Variants in ZFPM2 observed in about 807,000 individuals in gnomAD.
ZFPM2 encodes the protein zinc finger protein, FOG family member 2, also known as zinc finger protein ZFPM2.
In ZFPM2, 20 loss-of-function variants were observed where a neutral mutation model predicts 98.6. The observed-to-expected ratio is 0.20, with a 90% CI of 0.14 to 0.29. The LOEUF is 0.29. ZFPM2 is among the 10% of genes least tolerant of loss of function. The probability of loss-of-function intolerance (pLI) is 1.00; values close to 1 mark genes in which losing one functional copy is unlikely to be tolerated. For synonymous variants in ZFPM2, 518 were observed against 502.7 expected (o/e 1.03, Z -0.41); for missense variants, 1,310 against 1,388.6 (o/e 0.94, Z 0.90).
intron 5 of ZFPM2, among the ~76,000 whole-genome samples, chr8:105,645,205 TACA>T (rs879836474): frequency 6.6e-6 from 1 of 152,224 alleles, no homozygotes; most frequent in Non-Finnish European, 1.5e-5. Flanking sequence ...ATAATAGTCT[TACA>T]ATATTCTTCT....
intron 3 of ZFPM2, among the ~76,000 whole-genome samples, chr8:105,549,518 T>TC (rs1814793601): frequency 2.1e-5 from 1 of 48,472 alleles, no homozygotes; most frequent in African/African-American, 1.1e-4. Flanking sequence ...CTCCCTCCCA[T>TC]CTTCCTTCCT....
At chr8:105,747,576 C>T (rs543914123) in intron 5 of ZFPM2, among the ~76,000 whole-genome samples, 58 of 152,098 alleles carry the variant, frequency 3.8e-4, no homozygotes, top group Non-Finnish European at 5.9e-4. Context: ...TTATCCCATC[C>T]TCTGGCCATA....
At chr8:105,377,682 A>T (rs561244958) in intron 1 of ZFPM2, among the ~76,000 whole-genome samples, 125 of 147,104 alleles carry the variant, frequency 8.5e-4, no homozygotes, top group African/African-American at 3.0e-3. Flanking sequence ...CGAGAGGCTG[A>T]GGCATGAGGA....
intron 1 of ZFPM2, among the ~76,000 whole-genome samples, chr8:105,396,396 T>G (rs1438970336): frequency 6.6e-6 from 1 of 152,208 alleles, no homozygotes; most frequent in Non-Finnish European, 1.5e-5. Flanking sequence ...GAGTGAACAC[T>G]GTGTACCTAT....
intron 3 of ZFPM2, among the ~76,000 whole-genome samples, chr8:105,557,235 A>G (rs951748211): frequency 3.9e-5 from 6 of 152,192 alleles, no homozygotes; most frequent in Admixed American, 3.3e-4. Context: ...CTTATTTATC[A>G]TGATATACTC....
Position 105,755,294 on chromosome 8 carries a change from T to C in ZFPM2, c.533-33424T>C, listed in dbSNP as rs542555908. 3.2e-4 allele frequency among the ~76,000 whole-genome samples: 48 copies of C among 152,288 alleles called. 1 individual carries two copies. Among genetic ancestry groups the C allele is most frequent in the African/African-American group, 1.1e-3 (47 of 41,582 alleles). On this transcript the variant is annotated intron_variant, in intron 5 of 7. Transcript: ENST00000407775. ...CTTATGCAAGGAGAATAAAGCATGC[T>C]GCAAGCCTTTCAGAAATGCCATTTT...
chr8:105,366,746 A>G (rs1255334315), intron 1 of ZFPM2, among the ~76,000 whole-genome samples: 1 of 138,956 alleles, frequency 7.2e-6, no homozygotes, highest in Admixed American at 8.2e-5. Context: ...TTCAATTCCC[A>G]CCTATGAGTG....
At chr8:105,508,630 T>G (rs1813749897) in intron 3 of ZFPM2, among the ~76,000 whole-genome samples, 2 of 152,050 alleles carry the variant, frequency 1.3e-5, no homozygotes, top group Admixed American at 1.3e-4. Flanking sequence ...GAAACTGGCC[T>G]CCTTCACTGC....
At chr8:105,738,177 C>T (rs569533245) in intron 5 of ZFPM2, among the ~76,000 whole-genome samples, 4 of 152,010 alleles carry the variant, frequency 2.6e-5, no homozygotes, top group Admixed American at 6.6e-5. Context: ...CTCCCACCCT[C>T]AATCCTCTGA....
At chr8:105,642,915 A>G (rs1428072901) in intron 5 of ZFPM2, among the ~76,000 whole-genome samples, 2 of 152,192 alleles carry the variant, frequency 1.3e-5, no homozygotes, top group African/African-American at 2.4e-5. Flanking sequence ...CTAGGCTACA[A>G]TGCATACAAT....
At chr8:105,711,135 T>C (rs1364256554) in intron 5 of ZFPM2, among the ~76,000 whole-genome samples, 1 of 152,140 alleles carries the variant, frequency 6.6e-6, no homozygotes, top group Non-Finnish European at 1.5e-5. Flanking sequence ...AAAATATTTT[T>C]AAAGGAGTTT....
chr8:105,480,709 T>G (rs1813097546), intron 3 of ZFPM2, among the ~76,000 whole-genome samples: 1 of 151,674 alleles, frequency 6.6e-6, no homozygotes, highest in African/African-American at 2.4e-5. Context: ...CTGCAGGCAA[T>G]ATGTGTTTCC....
intron 5 of ZFPM2, among the ~76,000 whole-genome samples, chr8:105,720,270 C>A (rs533655709): frequency 6.6e-6 from 1 of 151,994 alleles, no homozygotes; most frequent in South Asian, 2.1e-4. Context: ...CCCACCTGAT[C>A]CTGCTGTATC....
Position 105,499,612 on chromosome 8 carries a change from A to G in ZFPM2, c.301+55231A>G, listed in dbSNP as rs138509686. On this transcript the variant is annotated intron_variant, in intron 3 of 7. Transcript: ENST00000407775. ...ATGGTCAGATTCCCAAGCTCTCTGT[A>G]CTTTCCACAACTTTTCTTTCATATC... Among the ~76,000 whole-genome samples the G allele has an allele frequency of 4.5e-3, 692 of 152,310 alleles. 3 individuals carry two copies. The highest frequency in any genetic ancestry group is 0.017 in the Middle Eastern group (5 of 294).
At chr8:105,405,916 T>A (rs1268245653) in intron 1 of ZFPM2, among the ~76,000 whole-genome samples, 2 of 152,160 alleles carry the variant, frequency 1.3e-5, no homozygotes, top group African/African-American at 4.8e-5. Context: ...AGTGTTCCTA[T>A]TTCTCCACAT....
chr8:105,421,338 A>T (rs1236044744), intron 2 of ZFPM2, among the ~76,000 whole-genome samples: 1 of 152,176 alleles, frequency 6.6e-6, no homozygotes, highest in Admixed American at 6.5e-5. Flanking sequence ...ATAATATGTA[A>T]CATATATGTA....
intron 3 of ZFPM2, among the ~76,000 whole-genome samples, chr8:105,485,311 G>T (rs567924094): frequency 3.6e-4 from 53 of 145,990 alleles, no homozygotes; most frequent in African/African-American, 1.3e-3. Context: ...TTGTTTGTTT[G>T]TTTGTTTTTG....
At chr8:105,495,171 G>C (rs758388743) in intron 3 of ZFPM2, among the ~76,000 whole-genome samples, 1 of 152,066 alleles carries the variant, frequency 6.6e-6, no homozygotes, top group Non-Finnish European at 1.5e-5. Flanking sequence ...TGAACATCTT[G>C]TTTACTTTTT....
chr8:105,669,972 TAGAG>T (rs1224326075), intron 5 of ZFPM2: 2 of 152,182 alleles, frequency 1.3e-5, no homozygotes, highest in East Asian at 3.9e-4. Context: ...AACAGATAAA[TAGAG>T]AAAGTGCAGA....
Sources: gnomAD v4.1 joint callset for allele counts (sites outside exome capture counted in the v4.1 genomes callset) on GRCh38, gnomAD v4.1.1 for gene constraint, MANE v1.5 for transcripts, NCBI Gene and HGNC (gene_info 2026-07-23, HGNC 2026-07-21) for gene names.